PAX7: variants seen among roughly 807,000 people sequenced by gnomAD.
PAX7 encodes paired box 7, also known as paired box protein Pax-7.
PAX7 carries 18 observed loss-of-function variants against 50.7 expected under a neutral mutation model. The ratio of observed to expected loss-of-function variants is 0.36; its 90% CI spans 0.25 to 0.53. PAX7 has a LOEUF of 0.53. PAX7 is among the 20% of genes least tolerant of loss of function. The pLI, the probability that PAX7 is intolerant of heterozygous loss-of-function variation, is 0.93. For synonymous variants in PAX7, 310 were observed against 290.4 expected (o/e 1.07, Z -0.69); for missense variants, 644 against 702.9 (o/e 0.92, Z 0.95).
chr1:18,727,634 G>T (rs2089591596), intron 7 of PAX7, among the ~76,000 whole-genome samples: 1 of 152,184 alleles, frequency 6.6e-6, no homozygotes, highest in Non-Finnish European at 1.5e-5. Context: ...TCATGATGAG[G>T]CTTAAAGGGA....
chr1:18,717,636 C>T (rs941558046), intron 7 of PAX7, among the ~76,000 whole-genome samples: 3 of 152,144 alleles, frequency 2.0e-5, no homozygotes, highest in African/African-American at 2.4e-5. Flanking sequence ...TTTTGGATAC[C>T]GCTCTCTCCC....
chr1:18,636,643 C>T lies in PAX7; in HGVS notation c.586+272C>T, dbSNP rs1218393819. Among the ~76,000 whole-genome samples the T allele has an allele frequency of 6.6e-6, 1 of 152,090 alleles. No individual in the cohort carries two copies. On this transcript the variant is annotated intron_variant, in intron 4 of 8. Transcript: ENST00000420770. This position sits in a 1 kb window ranked among gnomAD's most constrained non-coding sequence, Gnocchi z 5.1. ...TGTGAGTCCCGGGAGAGCCCGGCTG[C>T]GGGGCTGCGCGCCTGGTCTACCCCA...
Position 18,631,455 on chromosome 1 carries a change from G to A in PAX7, c.-149G>A. ...TGACTGCAGCCAGGGGTGGGGGGTG[G>A]GGGTAGGGAGTGTGTGTGGAGGGGA... On this transcript the variant is annotated 5_prime_UTR_variant, in exon 1 of 9. Transcript: ENST00000420770. The A allele has an allele frequency of 1.5e-6, 1 of 668,404 alleles. No homozygotes were observed. The highest frequency in any genetic ancestry group is 1.8e-5 in the African/African-American group (1 of 55,424). 41.4% of individuals were successfully genotyped at this position (668,404 alleles called of 1,614,324 possible).
Position 18,636,468 on chromosome 1 carries a change from C to G in PAX7, c.586+97C>G. The stretch of plus-strand genomic sequence containing the variant: ...CGCTCCCGCCGCCGGAGCAGGCGAC[C>G]AGAACTCCAGCGGAGAAACTCTCAT... On this transcript the variant is annotated intron_variant, in intron 4 of 8. Coordinates refer to ENST00000420770, the MANE Select transcript of PAX7 (RefSeq NM_001135254.2). The surrounding 1 kb of genome is among the most constrained non-coding windows in gnomAD (Gnocchi z 5.1). 7.1e-7 allele frequency: 1 copy of G among 1,414,612 alleles called. No individual in the cohort carries two copies. Among genetic ancestry groups the G allele is most frequent in the East Asian group, 2.3e-5 (1 of 43,538 alleles). The allele number at this position is 1,414,612 out of a possible 1,614,324, so 87.6% of individuals were successfully genotyped here.
intron 7 of PAX7, among the ~76,000 whole-genome samples, chr1:18,725,993 T>G (rs1006654261): frequency 6.7e-6 from 1 of 148,532 alleles, no homozygotes; most frequent in Admixed American, 6.7e-5. Context: ...TGTGTGTGTG[T>G]GCGCGCGCGC....
chr1:18,651,294 A>T (rs2088426241), intron 4 of PAX7, among the ~76,000 whole-genome samples: 1 of 152,210 alleles, frequency 6.6e-6, no homozygotes, highest in African/African-American at 2.4e-5. Flanking sequence ...CCCAAGTCAA[A>T]AGCGCATTGT....
At chr1:18,682,644 A>T (rs1301722616) in intron 4 of PAX7, among the ~76,000 whole-genome samples, 1 of 151,868 alleles carries the variant, frequency 6.6e-6, no homozygotes, top group East Asian at 1.9e-4. Flanking sequence ...AGTCCCTGAG[A>T]CTCTGAGCTG....
intron 4 of PAX7, among the ~76,000 whole-genome samples, chr1:18,656,436 G>T (rs554744218): frequency 6.6e-6 from 1 of 152,054 alleles, no homozygotes; most frequent in African/African-American, 2.4e-5. Context: ...GAGGGCAGAG[G>T]TTGCAGCGAG....
At chr1:18,674,456 A>T (rs2088796323) in intron 4 of PAX7, among the ~76,000 whole-genome samples, 1 of 151,658 alleles carries the variant, frequency 6.6e-6, no homozygotes, top group Non-Finnish European at 1.5e-5. Flanking sequence ...CAGGGTGGAG[A>T]AGAAGAGGTG....
intron 4 of PAX7, among the ~76,000 whole-genome samples, chr1:18,657,268 G>T (rs2088536041): frequency 6.6e-6 from 1 of 151,986 alleles, no homozygotes; most frequent in Non-Finnish European, 1.5e-5. Flanking sequence ...GCTCCCAGGA[G>T]AGGGGCTGGG....
intron 7 of PAX7, among the ~76,000 whole-genome samples, chr1:18,703,528 T>C (rs141748483): frequency 0.01 from 1,581 of 152,342 alleles, 27 homozygotes; most frequent in African/African-American, 0.035. Context: ...GAGAGAATTG[T>C]GGATGGGGTT....
chr1:18,689,241 C>T (rs2100289816), intron 4 of PAX7, among the ~76,000 whole-genome samples: 1 of 152,366 alleles, frequency 6.6e-6, no homozygotes, highest in South Asian at 2.1e-4. Flanking sequence ...CTTCCGTTGT[C>T]ACCGTCAGAA....
In PAX7 at chr1:18,657,196, G is replaced by A. The variant is rs542761455; in HGVS notation, c.586+20825G>A. Among the ~76,000 whole-genome samples the A allele has an allele frequency of 1.4e-3, 216 of 152,200 alleles. 1 individual carries two copies. Among genetic ancestry groups the A allele is most frequent in the African/African-American group, 4.8e-3 (200 of 41,534 alleles). ...TGAGATCCCATTGCTTTGGCATGGA[G>A]CATGGGGGTGATAAGAGGCTACACC... On this transcript the variant is annotated intron_variant, in intron 4 of 8. Transcript: ENST00000420770.
At chr1:18,691,994 C>T in intron 5 of PAX7, 41 bp downstream of exon 5, 1 of 1,574,468 alleles carries the variant, frequency 6.4e-7, no homozygotes, top group Non-Finnish European at 8.6e-7. Flanking sequence ...AGATATACTC[C>T]AGAGATTCAG....
In PAX7 at chr1:18,656,086, A is replaced by G. The variant is rs541438846; in HGVS notation, c.586+19715A>G. ...GGTATTGTCATAACGGACCCATTTC[A>G]CTGGGCTGTTGGGAAAATAATGCAT... is the stretch of plus-strand genomic sequence containing the variant. On this transcript the variant is annotated intron_variant, in intron 4 of 8. Transcript: ENST00000420770. Among the ~76,000 whole-genome samples the G allele has an allele frequency of 4.8e-4, 73 of 152,306 alleles. 2 individuals carry two copies. The South Asian group carries it at 0.015, about 31-fold the overall frequency.
At chr1:18,731,354 C>G (rs2089644846) in intron 7 of PAX7, among the ~76,000 whole-genome samples, 1 of 152,190 alleles carries the variant, frequency 6.6e-6, no homozygotes, top group Admixed American at 6.5e-5. Flanking sequence ...CCAAACCTCT[C>G]CCTGTGTGCT....
At chr1:18,684,110 A>G (rs1009678481) in intron 4 of PAX7, among the ~76,000 whole-genome samples, 6 of 152,172 alleles carry the variant, frequency 3.9e-5, no homozygotes, top group African/African-American at 1.4e-4. Context: ...GGAGGGTGGG[A>G]CAGGGCATGG....
chr1:18,712,481 G>C (rs538889445), intron 7 of PAX7, among the ~76,000 whole-genome samples: 69 of 152,286 alleles, frequency 4.5e-4, no homozygotes, highest in African/African-American at 1.5e-3. Context: ...GGGAAATGAG[G>C]GGGCAGGGGA....
chr1:18,635,029 G>A, intron 2 of PAX7, 82 bp from the exon 3 acceptor site: 3 of 1,523,882 alleles, frequency 2.0e-6, no homozygotes, highest in African/African-American at 1.4e-5. Context: ...CTGGTCTGGG[G>A]CTCTTAAGAG....
Sources: allele counts gnomAD v4.1 joint callset (sites outside exome capture counted in the v4.1 genomes callset), GRCh38; gene constraint gnomAD v4.1.1; non-coding constraint Gnocchi (gnomAD v3.1); transcripts MANE v1.5; gene names NCBI Gene and HGNC (gene_info 2026-07-23, HGNC 2026-07-21).